The following PCDHGB6 variants were observed in gnomAD, a reference collection of about 807,000 sequenced individuals.
PCDHGB6 encodes the protein protocadherin gamma subfamily B, 6.
PCDHGB6 carries 51 observed loss-of-function variants against 59.1 expected under a neutral mutation model. The observed-to-expected ratio is 0.86, with a 90% confidence interval of 0.69 to 1.09. The LOEUF is 1.09. Ranked by LOEUF, PCDHGB6 falls within the 50% of genes least tolerant of loss-of-function variation. The probability of loss-of-function intolerance (pLI) is 0.00; values close to 1 mark genes in which losing one functional copy is unlikely to be tolerated. For missense variants in PCDHGB6, 1,148 were observed against 1,205.1 expected, an observed-to-expected ratio of 0.95 and a Z score of 0.70; for synonymous variants, 466 against 495.1, an observed-to-expected ratio of 0.94 and a Z score of 0.78.
chr5:141,490,065 C>A lies in PCDHGB6; in HGVS notation c.2419-4742C>A, dbSNP rs1161257597. ...CTGATCCAGACGAGGGCACCAACGG[C>A]CAACTAGACTATTCTTTTGGAGACC... On this transcript the variant is annotated intron_variant, in intron 1 of 3. Coordinates refer to ENST00000520790, the MANE Select transcript of PCDHGB6 (RefSeq NM_018926.3). This position sits in a 1 kb window ranked among gnomAD's most constrained non-coding sequence, Gnocchi z 5.4. 1 of 1,614,258 alleles carries A rather than the reference C, an allele frequency of 6.2e-7. No individual in the cohort carries two copies. Among genetic ancestry groups the A allele is most frequent in the South Asian group, 1.1e-5 (1 of 91,090 alleles).
At chr5:141,433,195 T>C (rs765385329) in intron 1 of PCDHGB6, 8 of 1,582,476 alleles carry the variant, frequency 5.1e-6, no homozygotes, top group Non-Finnish European at 6.9e-6. Flanking sequence ...TGAGTTTATA[T>C]CAAATCTTCT....
At chr5:141,418,326 C>T (rs1398536611) in intron 1 of PCDHGB6, 2 of 1,613,986 alleles carry the variant, frequency 1.2e-6, no homozygotes, top group Non-Finnish European at 1.7e-6. Context: ...ATTCTTGAGT[C>T]TGCAGAAGAT....
At chr5:141,424,668 A>G (rs1561816018) in intron 1 of PCDHGB6, 1 of 152,196 alleles carries the variant, frequency 6.6e-6, no homozygotes, top group Non-Finnish European at 1.5e-5. Flanking sequence ...AATTAAACTG[A>G]TTTAGCTAGT....
rs1445356223 is a variant in PCDHGB6, at chr5:141,490,414, G to T, written c.2419-4393G>T. On this transcript the variant is annotated intron_variant, in intron 1 of 3. Transcript: ENST00000520790. This position sits in a 1 kb window ranked among gnomAD's most constrained non-coding sequence, Gnocchi z 5.4. ...TGAAGTGAGCCTTGATATCTCTCCGGACCTGCCATTTCAGATTAAGCCTTC... is the reference window on the plus strand; with the variant it reads ...TGAAGTGAGCCTTGATATCTCTCCGTACCTGCCATTTCAGATTAAGCCTTC... The T allele has an allele frequency of 1.2e-6, 2 of 1,614,138 alleles. No homozygotes were observed. The highest frequency in any genetic ancestry group is 1.7e-6 in the Non-Finnish European group (2 of 1,180,024).
At chr5:141,419,674 C>T (rs372932653) in intron 1 of PCDHGB6, 48 of 1,612,820 alleles carry the variant, frequency 3.0e-5, no homozygotes, top group Non-Finnish European at 3.7e-5. Context: ...CCTGGCTGTC[C>T]TACCACGTGG....
In PCDHGB6 at chr5:141,410,086, G is replaced by C. The variant is rs759204005; in HGVS notation, c.1884G>C (p.Thr628=). 6.2e-7 allele frequency: 1 copy of C among 1,612,588 alleles called. No homozygotes were observed. Among genetic ancestry groups the C allele is most frequent in the Non-Finnish European group, 8.5e-7 (1 of 1,179,636 alleles). ...GGCTGCGCACTGGGGAGGTGCGCAC[G>C]GCTCGAGCCTTAGGCGACAGGGACG... ...SLGLRTGEVR[T]ARALGDRDAA... Residue 628 remains threonine, a synonymous_variant, in exon 1 of 4, where the codon ACG becomes ACC. Transcript: ENST00000520790.
chr5:141,421,163 G>C, intron 1 of PCDHGB6: 2 of 1,276,926 alleles, frequency 1.6e-6, no homozygotes, highest in Non-Finnish European at 2.1e-6. Flanking sequence ...GGACTTCATA[G>C]ATACATAAGC....
At chr5:141,419,431 G>A in intron 1 of PCDHGB6, 2 of 1,613,306 alleles carry the variant, frequency 1.2e-6, no homozygotes. Context: ...ACCACGAGCA[G>A]CTGCGCACCT....
In PCDHGB6 at chr5:141,415,715, T is replaced by G. The variant is rs1051923200; in HGVS notation, c.2418+5095T>G. 4 of 1,428,132 alleles carry G rather than the reference T, an allele frequency of 2.8e-6. No individual in the cohort carries two copies. In the African/African-American group the frequency reaches 4.5e-5, roughly 16 times the overall value. The allele number at this position is 1,428,132 out of a possible 1,614,324, so 88.5% of individuals were successfully genotyped here. Reference sequence around the variant, plus strand: ...GAAAGTGTAAATGCTAAAACACTGATGAGTAGAATTTGATGTTTATTAAGG... The same window carrying G: ...GAAAGTGTAAATGCTAAAACACTGAGGAGTAGAATTTGATGTTTATTAAGG... On this transcript the variant is annotated intron_variant, in intron 1 of 3. Transcript: ENST00000520790.
At position 141,431,850 on chromosome 5, in the gene PCDHGB6, C is replaced by T; in HGVS notation, c.2418+21230C>T. On this transcript the variant is annotated intron_variant, in intron 1 of 3. Transcript: ENST00000520790. The surrounding 1 kb of genome is among the most constrained non-coding windows in gnomAD (Gnocchi z 4.8). ...GTTCCCGAAAACTCTCCCAGAGGGA[C>T]ATTAATTGCCCTTTTAAATGTAAAT... The T allele has an allele frequency of 1.9e-6, 3 of 1,614,234 alleles. No homozygotes were observed. The highest frequency in any genetic ancestry group is 2.2e-5 in the South Asian group (2 of 91,090).
chr5:141,477,611 C>T lies in PCDHGB6; in HGVS notation c.2419-17196C>T. On this transcript the variant is annotated intron_variant, in intron 1 of 3. Coordinates refer to ENST00000520790, the MANE Select transcript of PCDHGB6 (RefSeq NM_018926.3). This position sits in a 1 kb window ranked among gnomAD's most constrained non-coding sequence, Gnocchi z 4.9. ...TCGGCTTTCTTTCTTTCTCTTGGAG[C>T]AAGGAGCTGAAACCGGGCTAGTGGG... is the stretch of plus-strand genomic sequence containing the variant. The T allele has an allele frequency of 6.2e-7, 1 of 1,614,188 alleles. No homozygotes were observed. The highest frequency in any genetic ancestry group is 8.5e-7 in the Non-Finnish European group (1 of 1,180,036).
At chr5:141,421,206 G>A in intron 1 of PCDHGB6, 1 of 1,531,730 alleles carries the variant, frequency 6.5e-7, no homozygotes, top group Non-Finnish European at 8.8e-7. Context: ...AGAAACCGCG[G>A]AATATCGGCT....
chr5:141,447,430 A>G (rs960560239), intron 1 of PCDHGB6, among the ~76,000 whole-genome samples: 9 of 152,156 alleles, frequency 5.9e-5, no homozygotes, highest in African/African-American at 2.2e-4. Flanking sequence ...GAGCCACCGC[A>G]CCCGGAGGAA....
At chr5:141,457,393 T>G (rs1299068071) in intron 1 of PCDHGB6, among the ~76,000 whole-genome samples, 1 of 152,228 alleles carries the variant, frequency 6.6e-6, no homozygotes, top group African/African-American at 2.4e-5. Flanking sequence ...AGCATATTGA[T>G]TCACATTTTC....
intron 1 of PCDHGB6, among the ~76,000 whole-genome samples, chr5:141,454,204 T>G (rs1161344350): frequency 3.3e-5 from 5 of 152,170 alleles, no homozygotes; most frequent in Non-Finnish European, 1.5e-5. Context: ...GTGAATTTAT[T>G]GACATGAATG....
At chr5:141,471,495 T>A (rs539663010) in intron 1 of PCDHGB6, 1 of 152,318 alleles carries the variant, frequency 6.6e-6, no homozygotes, top group East Asian at 1.9e-4. Flanking sequence ...ATTTAGGGAA[T>A]GCAAGAGAGG....
chr5:141,476,417 C>A lies in PCDHGB6; in HGVS notation c.2419-18390C>A. ...GGATCGAGAGGAGCTGTGTGGGACA[C>A]TGCCCTCTTGCACTGTAACTCTGGA... is the stretch of plus-strand genomic sequence containing the variant. On this transcript the variant is annotated intron_variant, in intron 1 of 3. Coordinates refer to ENST00000520790, the MANE Select transcript of PCDHGB6 (RefSeq NM_018926.3). This position sits in a 1 kb window ranked among gnomAD's most constrained non-coding sequence, Gnocchi z 7.6. The A allele has an allele frequency of 6.2e-7, 1 of 1,614,112 alleles. No homozygotes were observed. The highest frequency in any genetic ancestry group is 8.5e-7 in the Non-Finnish European group (1 of 1,179,994).
chr5:141,499,996 C>A (rs1246090346), intron 2 of PCDHGB6, among the ~76,000 whole-genome samples: 2 of 151,572 alleles, frequency 1.3e-5, no homozygotes, highest in Non-Finnish European at 2.9e-5. Flanking sequence ...CCAGATGATT[C>A]TTTCATAAGG....
chr5:141,510,426 T>C (rs983368750), intron 3 of PCDHGB6, among the ~76,000 whole-genome samples: 1 of 152,084 alleles, frequency 6.6e-6, no homozygotes, highest in African/African-American at 2.4e-5. Flanking sequence ...CATGGTTTCA[T>C]GGCTGCTGCC....
Sources: allele counts gnomAD v4.1 joint callset (sites outside exome capture counted in the v4.1 genomes callset), GRCh38; gene constraint gnomAD v4.1.1; non-coding constraint Gnocchi (gnomAD v3.1); transcripts MANE v1.5; gene names NCBI Gene and HGNC (gene_info 2026-07-23, HGNC 2026-07-21).